CNOT1: variants seen among roughly 807,000 people sequenced by gnomAD.
The protein encoded by CNOT1 is CCR4-associated factor 1.
Under a neutral mutation model 273.8 loss-of-function variants are expected in CNOT1, and 15 were observed. That is an observed-to-expected ratio of 0.05 (90% confidence interval 0.04 to 0.08). CNOT1 has a LOEUF of 0.08. Ranked by LOEUF, CNOT1 falls within the 10% of genes least tolerant of loss-of-function variation. The probability of loss-of-function intolerance (pLI) is 1.00; values close to 1 mark genes in which losing one functional copy is unlikely to be tolerated. For missense variants in CNOT1, 1,644 were observed against 2,912.2 expected (o/e 0.56, Z 10.02); for synonymous variants, 1,022 against 1,005.5 (o/e 1.02, Z -0.31).
At chr16:58,573,477 A>ATT (rs34706886) in intron 16 of CNOT1, among the ~76,000 whole-genome samples, 1,273 of 112,890 alleles carry the variant, frequency 0.011, 42 homozygotes, top group African/African-American at 0.046. Context: ...CTGTTTTGCA[A>ATT]TTTTTTTTTT....
At chr16:58,621,459 T>C (rs1304582102) in intron 1 of CNOT1, among the ~76,000 whole-genome samples, 1 of 151,206 alleles carries the variant, frequency 6.6e-6, no homozygotes, top group African/African-American at 2.4e-5. Flanking sequence ...TTTCAGTGGA[T>C]ACGGGGTTTC....
At chr16:58,604,816 CA>C (rs1282408180) in intron 1 of CNOT1, among the ~76,000 whole-genome samples, 11 of 86,752 alleles carry the variant, frequency 1.3e-4, no homozygotes, top group Middle Eastern at 6.8e-3. Context: ...AAACAAAAAA[CA>C]AAAAAAAAAT....
Position 58,551,747 on chromosome 16 carries a change from T to C in CNOT1, c.3043A>G (p.Ile1015Val). Residue 1015 changes from isoleucine to valine, a missense_variant, in exon 23 of 49, where the codon ATT becomes GTT. Ile to Val is a conservative substitution (Grantham distance 29). Transcript: ENST00000317147. ...MQGSITTPGS[I>V]ALAQAQAQAQ... Reference sequence around the variant, plus strand: ...TGAGCCTGGGCCTGAGCCAGTGCAATACTTCCAGGGGTTGTGATAGAGCCT... The same window carrying C: ...TGAGCCTGGGCCTGAGCCAGTGCAACACTTCCAGGGGTTGTGATAGAGCCT... The C allele has an allele frequency of 1.9e-6, 3 of 1,614,202 alleles. No homozygotes were observed. The highest frequency in any genetic ancestry group is 1.7e-6 in the Non-Finnish European group (2 of 1,180,036).
Position 58,523,468 on chromosome 16 carries a change from C to G in CNOT1, c.6819G>C (p.Gln2273His), listed in dbSNP as rs760421587. 3.7e-5 allele frequency: 59 copies of G among 1,613,870 alleles called. No homozygotes were observed. The highest frequency in any genetic ancestry group is 4.9e-5 in the Non-Finnish European group (58 of 1,179,934). Residue 2273 changes from glutamine to histidine, a missense_variant, in exon 47 of 49, where the codon CAG becomes CAC. By Grantham distance (24) the Gln-to-His change is conservative. Around this residue, in one of 13 missense-constraint regions of CNOT1, gnomAD observed 140 missense variants for 324.6 expected, o/e 0.43. Transcript: ENST00000317147. ...RYLFLNAIAN[Q>H]LRYPNSHTHY... ...GAGTGTGGCTATTTGGGTACCGGAG[C>G]TGATTTGCAATTGCATTCAAAAAGA...
chr16:58,539,480 C>CACACACACACACACACACACAGAG (rs1555494952), intron 35 of CNOT1, among the ~76,000 whole-genome samples: 1 of 148,584 alleles, frequency 6.7e-6, no homozygotes, highest in East Asian at 2.1e-4. Flanking sequence ...CACACACACA[C>CACACACACACACACACACACAGAG]ACACACACAC....
At chr16:58,530,192 G>C (rs909976804) in intron 43 of CNOT1, 54 bp downstream of exon 43, 39 of 1,410,120 alleles carry the variant, frequency 2.8e-5, no homozygotes, top group Middle Eastern at 2.0e-4. Context: ...TTCCTAAAGT[G>C]TATTTTCTTA....
At position 58,528,462 on chromosome 16, in the gene CNOT1, G is replaced by C; in HGVS notation, c.6453+13C>G. The C allele has an allele frequency of 6.2e-7, 1 of 1,601,104 alleles. No individual in the cohort carries two copies. Among genetic ancestry groups the C allele is most frequent in the South Asian group, 1.1e-5 (1 of 90,618 alleles). On this transcript the variant is annotated intron_variant, in intron 44 of 48. Transcript: ENST00000317147. ...TAAGACATAAGTTTTCCTTTAACTA[G>C]TTGGAACCTTACCTTTAGATTAGGA...
intron 1 of CNOT1, among the ~76,000 whole-genome samples, chr16:58,620,624 G>A (rs1219905613): frequency 2.1e-5 from 3 of 140,200 alleles, no homozygotes; most frequent in Non-Finnish European, 4.5e-5. Context: ...ATTCCAGCCT[G>A]GGTGACACAG....
rs1028159714 is a variant in CNOT1 at position 58,585,500 on chromosome 16, G to A, written c.644C>T (p.Pro215Leu). The change falls in exon 8 of 49, where the codon CCC (proline) becomes CTC (leucine). Residue 215 changes from proline to leucine, a missense_variant. Transcript: ENST00000317147. ...AFLKTLRRDFPQERCPVVLAP... is the reference protein window; with the variant it reads ...AFLKTLRRDFLQERCPVVLAP... ...GAGCACCACGGGACAGCGTTCTTGG[G>A]GAAAATCTGAGAGAGGAAAAAGGTT... The A allele has an allele frequency of 3.7e-6, 6 of 1,610,564 alleles. No homozygotes were observed. Among genetic ancestry groups the A allele is most frequent in the Non-Finnish European group, 5.1e-6 (6 of 1,179,354 alleles).
At chr16:58,529,640 C>T (rs1025020031) in intron 43 of CNOT1, among the ~76,000 whole-genome samples, 1 of 151,910 alleles carries the variant, frequency 6.6e-6, no homozygotes, top group East Asian at 1.9e-4. Context: ...GAGTTTGAGA[C>T]GAGCGTAGCC....
chr16:58,560,943 C>G (rs1380846855), intron 16 of CNOT1, among the ~76,000 whole-genome samples: 2 of 151,896 alleles, frequency 1.3e-5, no homozygotes, highest in African/African-American at 4.8e-5. Flanking sequence ...GAGAATCACT[C>G]GAATCTGGGA....
At chr16:58,595,509 G>A (rs959401022) in intron 2 of CNOT1, among the ~76,000 whole-genome samples, 9 of 150,000 alleles carry the variant, frequency 6.0e-5, no homozygotes, top group African/African-American at 2.0e-4. Flanking sequence ...AAGACAGACA[G>A]AGGGAAAGAT....
At chr16:58,629,324 G>A (rs1053125171) in intron 1 of CNOT1, among the ~76,000 whole-genome samples, 2 of 152,240 alleles carry the variant, frequency 1.3e-5, no homozygotes, top group Admixed American at 1.3e-4. Flanking sequence ...TCAGGGAGCA[G>A]AGACAGAAAC....
intron 25 of CNOT1, among the ~76,000 whole-genome samples, chr16:58,549,436 T>C (rs950758568): frequency 6.6e-6 from 1 of 152,000 alleles, no homozygotes; most frequent in Non-Finnish European, 1.5e-5. Flanking sequence ...TAACCAATAC[T>C]ATGCTGCTTA....
At position 58,587,199 on chromosome 16, in the gene CNOT1, A is replaced by G; in HGVS notation, c.433+2T>C. On this transcript the variant is annotated splice_donor_variant, in intron 6 of 48. Coordinates refer to ENST00000317147, the MANE Select transcript of CNOT1 (RefSeq NM_016284.5). LOFTEE classifies it high-confidence loss of function. ...GTGATATTTTTGGAAAAAGTAACTC[A>G]CCGAAACCTCTAAGATCTGAGCTGG... 1 of 1,611,184 alleles carries G rather than the reference A, an allele frequency of 6.2e-7. No individual in the cohort carries two copies. Among genetic ancestry groups the G allele is most frequent in the Non-Finnish European group, 8.5e-7 (1 of 1,179,346 alleles).
At position 58,539,825 on chromosome 16, in the gene CNOT1, A is replaced by G. The variant is rs980387076; in HGVS notation, c.4935T>C (p.Val1645=). ...CCCGAGAGTTTCGAGATAAAACTAC[A>G]ACCTCCAAGAGACTTCGAAGAGCCT... ...QAQALRSLLE[V]VVLSRNSRDA... is the part of the protein sequence containing the mutation. The change falls in exon 35 of 49, where the codon GTT becomes GTC. Residue 1645 remains valine (V), a synonymous_variant. Transcript: ENST00000317147. The G allele has an allele frequency of 3.1e-6, 5 of 1,614,018 alleles. No individual in the cohort carries two copies. In the African/African-American group the frequency reaches 6.7e-5, roughly 22 times the overall value.
Position 58,547,122 on chromosome 16 carries a change from C to T in CNOT1, c.3750+64G>A. 1.3e-6 allele frequency: 2 copies of T among 1,567,550 alleles called. No individual in the cohort carries two copies. The highest frequency in any genetic ancestry group is 1.4e-5 in the African/African-American group (1 of 73,228). Reference sequence around the variant, plus strand: ...AAGAACTAAGAATATAATCTCTTGACCTCATGCTAAAACAAAGCAATGCTT... The same window carrying T: ...AAGAACTAAGAATATAATCTCTTGATCTCATGCTAAAACAAAGCAATGCTT... On this transcript the variant is annotated intron_variant, in intron 27 of 48. Coordinates refer to ENST00000317147, the MANE Select transcript of CNOT1 (RefSeq NM_016284.5). This position sits in a 1 kb window ranked among gnomAD's most constrained non-coding sequence, Gnocchi z 4.0.
chr16:58,625,981 T>C (rs986081201), intron 1 of CNOT1, among the ~76,000 whole-genome samples: 2 of 152,204 alleles, frequency 1.3e-5, no homozygotes, highest in Non-Finnish European at 2.9e-5. Context: ...TAGATTCTTC[T>C]ATATATAGAG....
Position 58,557,192 on chromosome 16 carries a change from C to T in CNOT1, c.2333-199G>A, listed in dbSNP as rs190085785. ...TATAAACTAGGCAGTAACGGATAAT[C>T]CCCAAATTTCTTTAGCATCTGGAAT... On this transcript the variant is annotated intron_variant, in intron 18 of 48. Transcript: ENST00000317147. Among the ~76,000 whole-genome samples the T allele has an allele frequency of 1.0e-3, 158 of 152,276 alleles. 1 individual carries two copies. Among genetic ancestry groups the T allele is most frequent in the Non-Finnish European group, 1.9e-3 (131 of 68,018 alleles).
Sources: gnomAD v4.1 joint callset for allele counts (sites outside exome capture counted in the v4.1 genomes callset) on GRCh38, gnomAD v4.1.1 for gene constraint, gnomAD v4.1.1 regional missense constraint, Gnocchi (gnomAD v3.1) non-coding constraint, MANE v1.5 for transcripts, NCBI Gene and HGNC (gene_info 2026-07-23, HGNC 2026-07-21) for gene names.